The following ZNF131 variants were observed in gnomAD, a reference collection of about 807,000 sequenced individuals.
ZNF131 encodes the protein zinc finger protein 131.
A neutral mutation model predicts 60.0 loss-of-function variants in ZNF131; 7 were observed. The ratio of observed to expected loss-of-function variants is 0.12; its 90% CI spans 0.07 to 0.22. The LOEUF (loss-of-function observed/expected upper bound fraction) is 0.22, where lower values mean the gene tolerates loss of function less well. Among genes scored for constraint, ZNF131 ranks in the 10% least tolerant of loss-of-function variants. ZNF131 has a pLI of 1.00. For synonymous variants in ZNF131, 257 were observed against 253.2 expected (o/e 1.01, Z -0.14); for missense variants, 493 against 740.9 (o/e 0.67, Z 3.88).
At position 43,161,555 on chromosome 5, in the gene ZNF131, A is replaced by C; in HGVS notation, c.678A>C (p.Arg226Ser). Residue 226 changes from arginine to serine, a missense_variant, in exon 5 of 7, where the codon AGA becomes AGC. Arg to Ser is a moderately radical substitution (Grantham distance 110). Coordinates refer to ENST00000682664, the MANE Select transcript of ZNF131 (RefSeq NM_001330707.2). Reference sequence around the variant, plus strand: ...CCAGCAAGTACCGTCAAGGTGACAGAAAAGGGCAGATTAAAGAAGATGGCT... The same window carrying C: ...CCAGCAAGTACCGTCAAGGTGACAGCAAAGGGCAGATTAAAGAAGATGGCT... ...DITSKYRQGD[R>S]KGQIKEDGCP... The C allele has an allele frequency of 6.2e-7, 1 of 1,614,258 alleles. No individual in the cohort carries two copies. Among genetic ancestry groups the C allele is most frequent in the Non-Finnish European group, 8.5e-7 (1 of 1,180,040 alleles).
In ZNF131 at chr5:43,156,762, C is replaced by T. The variant is rs185485500; in HGVS notation, c.372-4487C>T. 2.0e-5 allele frequency among the ~76,000 whole-genome samples: 3 copies of T among 152,214 alleles called. No individual in the cohort carries two copies. The East Asian group carries it at 5.8e-4, about 29-fold the overall frequency. Reference sequence around the variant, plus strand: ...GACTAAAGAGTACACCTTGGCCAGGCGCAGTGGCTCACGCCCATAATCCTA... The same window carrying T: ...GACTAAAGAGTACACCTTGGCCAGGTGCAGTGGCTCACGCCCATAATCCTA... On this transcript the variant is annotated intron_variant, in intron 4 of 6. Coordinates refer to ENST00000682664, the MANE Select transcript of ZNF131 (RefSeq NM_001330707.2).
At chr5:43,143,441 T>C in intron 4 of ZNF131, 1 of 1,424,738 alleles carries the variant, frequency 7.0e-7, no homozygotes, top group Non-Finnish European at 9.3e-7. Flanking sequence ...TGTTGCAAGT[T>C]TATCATCTTC....
chr5:43,135,097 C>G (rs184770956), intron 3 of ZNF131, among the ~76,000 whole-genome samples: 1 of 151,854 alleles, frequency 6.6e-6, no homozygotes, highest in East Asian at 2.0e-4. Context: ...CTCCCAGGTT[C>G]AAGCAACTCT....
rs1017296706 is a variant in ZNF131 at position 43,176,255 on chromosome 5, A to G, written c.*1122A>G. The G allele has an allele frequency of 6.6e-6, 1 of 152,122 alleles. No individual in the cohort carries two copies. Among genetic ancestry groups the G allele is most frequent in the Admixed American group, 6.5e-5 (1 of 15,276 alleles). 9.4% of individuals were successfully genotyped at this position (152,122 alleles called of 1,614,324 possible). A position where few individuals can be genotyped will look rare whatever the true frequency, so the allele number is the denominator to read the frequency against. ...AAATATAACAAACCCATAGACCAAT[A>G]TGCTATTTTTTTTACCTGTTAAATA... On this transcript the variant is annotated 3_prime_UTR_variant, in exon 7 of 7. Transcript: ENST00000682664.
chr5:43,145,677 G>A (rs1747492544), intron 4 of ZNF131, among the ~76,000 whole-genome samples: 1 of 151,736 alleles, frequency 6.6e-6, no homozygotes, highest in South Asian at 2.1e-4. Context: ...AAAAAGAAGT[G>A]GTTTACAATT....
intron 3 of ZNF131, among the ~76,000 whole-genome samples, chr5:43,126,634 C>T (rs539638817): frequency 1.3e-5 from 2 of 152,130 alleles, no homozygotes; most frequent in African/African-American, 2.4e-5. Context: ...TAGAGGGGCT[C>T]ATTTCCTGAA....
At chr5:43,166,280 C>T (rs533481435) in intron 5 of ZNF131, among the ~76,000 whole-genome samples, 7 of 152,288 alleles carry the variant, frequency 4.6e-5, no homozygotes, top group African/African-American at 1.7e-4. Context: ...ACCTGGCTTT[C>T]GGCCTGTCTC....
chr5:43,128,083 A>G (rs1443054162), intron 3 of ZNF131, among the ~76,000 whole-genome samples: 6 of 152,156 alleles, frequency 3.9e-5, no homozygotes, highest in African/African-American at 1.4e-4. Context: ...ACTCCTTTCT[A>G]AGCATTTCTG....
chr5:43,125,695 C>T lies in ZNF131; in HGVS notation c.226+2385C>T, dbSNP rs561045424. Among the ~76,000 whole-genome samples, 42 of 151,874 alleles carry T rather than the reference C, an allele frequency of 2.8e-4. 1 individual carries two copies. The highest frequency in any genetic ancestry group is 9.4e-4 in the African/African-American group (39 of 41,488). ...CTCAGGAAGGCCGAGGCAGGAGAAT[C>T]GCTTGAACCCGGGAGGCGGAGGTTG... On this transcript the variant is annotated intron_variant, in intron 3 of 6. Coordinates refer to ENST00000682664, the MANE Select transcript of ZNF131 (RefSeq NM_001330707.2).
chr5:43,134,063 C>T (rs1221883245), intron 3 of ZNF131, among the ~76,000 whole-genome samples: 2 of 152,070 alleles, frequency 1.3e-5, no homozygotes, highest in East Asian at 1.9e-4. Flanking sequence ...CAAAGCAAGA[C>T]AGGCCACAAA....
At chr5:43,145,107 TG>T (rs1354864740) in intron 4 of ZNF131, among the ~76,000 whole-genome samples, 1 of 152,092 alleles carries the variant, frequency 6.6e-6, no homozygotes, top group African/African-American at 2.4e-5. Context: ...CATTTGTGGA[TG>T]GGTTTGAAAA....
intron 3 of ZNF131, among the ~76,000 whole-genome samples, chr5:43,125,398 A>G (rs1207024139): frequency 6.6e-6 from 1 of 151,458 alleles, no homozygotes; most frequent in African/African-American, 2.4e-5. Flanking sequence ...ACCTCAGGTG[A>G]TCCACCCGCC....
chr5:43,151,648 G>A (rs1748328505), intron 4 of ZNF131, among the ~76,000 whole-genome samples: 1 of 151,930 alleles, frequency 6.6e-6, no homozygotes, highest in Non-Finnish European at 1.5e-5. Flanking sequence ...TTGGCCAGAC[G>A]GGTCTCCAAC....
At position 43,173,332 on chromosome 5, in the gene ZNF131, G is replaced by C. The variant is rs1292930676; in HGVS notation, c.1069G>C (p.Glu357Gln). Reference sequence around the variant, plus strand: ...CCCTCTAATAGGTGAAAAACCTTTTGAATGTCCAAATTGTCATGAACGATT... The same window carrying C: ...CCCTCTAATAGGTGAAAAACCTTTTCAATGTCCAAATTGTCATGAACGATT... Reference protein sequence around the residue: ...LRKHTGEKPFECPNCHERFAR... With the variant: ...LRKHTGEKPFQCPNCHERFAR... The change falls in exon 6 of 7, where the codon GAA (glutamate) becomes CAA (glutamine). Residue 357 changes from glutamate to glutamine, a missense_variant. By Grantham distance (29) the Glu-to-Gln change is conservative. Transcript: ENST00000682664. 6.2e-7 allele frequency: 1 copy of C among 1,605,832 alleles called. No homozygotes were observed. The highest frequency in any genetic ancestry group is 8.5e-7 in the Non-Finnish European group (1 of 1,174,116).
chr5:43,161,077 T>G (rs1193801547), intron 4 of ZNF131, among the ~76,000 whole-genome samples, 172 bp from the exon 5 acceptor site: 1 of 152,184 alleles, frequency 6.6e-6, no homozygotes, highest in Non-Finnish European at 1.5e-5. Flanking sequence ...CTTTCACCAG[T>G]ACTATTGTCT....
chr5:43,138,209 T>G (rs1048425803), intron 3 of ZNF131, among the ~76,000 whole-genome samples: 1 of 152,174 alleles, frequency 6.6e-6, no homozygotes, highest in African/African-American at 2.4e-5. Context: ...TAAAAATGTG[T>G]TAAGTGGGTA....
At chr5:43,143,022 C>G (rs1390173916) in intron 4 of ZNF131, among the ~76,000 whole-genome samples, 1 of 150,052 alleles carries the variant, frequency 6.7e-6, no homozygotes, top group Admixed American at 6.7e-5. Flanking sequence ...TTTAATCTTT[C>G]AAGCTTTTTT....
At chr5:43,137,946 T>C (rs914032236) in intron 3 of ZNF131, among the ~76,000 whole-genome samples, 1 of 152,240 alleles carries the variant, frequency 6.6e-6, no homozygotes, top group African/African-American at 2.4e-5. Flanking sequence ...TTGAGGACAT[T>C]ATGCTAAGTG....
chr5:43,165,094 A>C (rs919952173), intron 5 of ZNF131, among the ~76,000 whole-genome samples: 1 of 151,916 alleles, frequency 6.6e-6, no homozygotes, highest in African/African-American at 2.4e-5. Context: ...GGGACTACAG[A>C]TGTGTGCCAC....
Sources: allele counts gnomAD v4.1 joint callset (sites outside exome capture counted in the v4.1 genomes callset), GRCh38; gene constraint gnomAD v4.1.1; transcripts MANE v1.5; gene names NCBI Gene and HGNC (gene_info 2026-07-23, HGNC 2026-07-21).